POU2F1: variants seen among roughly 807,000 people sequenced by gnomAD.
The protein encoded by POU2F1 is POU class 2 homeobox 1.
POU2F1 carries 16 observed loss-of-function variants against 84.9 expected under a neutral mutation model. That is an observed-to-expected ratio of 0.19 (90% CI 0.13 to 0.29). The LOEUF (loss-of-function observed/expected upper bound fraction) is 0.29. Ranked by LOEUF, POU2F1 falls within the 10% of genes least tolerant of loss-of-function variation. POU2F1 has a pLI of 1.00. For synonymous variants in POU2F1, 368 were observed against 368.3 expected (o/e 1.00, Z 0.01); for missense variants, 738 against 942.6 (o/e 0.78, Z 2.84).
intron 1 of POU2F1, among the ~76,000 whole-genome samples, chr1:167,305,847 C>A (rs540182457): frequency 2.0e-5 from 3 of 152,280 alleles, no homozygotes; most frequent in Middle Eastern, 3.4e-3. Context: ...TACCACTCAT[C>A]CTCTGAGTAG....
chr1:167,334,176 T>TGTG (rs1657269079), intron 2 of POU2F1, among the ~76,000 whole-genome samples: 1 of 79,882 alleles, frequency 1.3e-5, no homozygotes, highest in Admixed American at 1.3e-4. Flanking sequence ...TTTTTTTTTT[T>TGTG]TGAGATGGAA....
chr1:167,250,543 A>G (rs946312778), intron 1 of POU2F1, among the ~76,000 whole-genome samples: 1 of 152,206 alleles, frequency 6.6e-6, no homozygotes, highest in Non-Finnish European at 1.5e-5. Flanking sequence ...GAGAGAATTC[A>G]TTTGTTGTTG....
At chr1:167,347,402 G>A (rs962355819) in intron 2 of POU2F1, among the ~76,000 whole-genome samples, 3 of 152,138 alleles carry the variant, frequency 2.0e-5, no homozygotes, top group Non-Finnish European at 4.4e-5. Flanking sequence ...TAACAGGGGT[G>A]CATTTCATAA....
In POU2F1 at chr1:167,376,010, T is replaced by C; in HGVS notation, c.592-19T>C. 5.0e-6 allele frequency: 8 copies of C among 1,613,830 alleles called. No individual in the cohort carries two copies. In the South Asian group the frequency reaches 8.8e-5, roughly 18 times the overall value. On this transcript the variant is annotated intron_variant, in intron 6 of 15. Coordinates refer to ENST00000367866, the MANE Select transcript of POU2F1 (RefSeq NM_002697.4). ...TTATTTCAGAATCTCCAATCCATGT[T>C]TTAATTCCAATTTTTCAGGATCTTC...
At chr1:167,294,172 CAA>C (rs60846607) in intron 1 of POU2F1, among the ~76,000 whole-genome samples, 114 of 30,942 alleles carry the variant, frequency 3.7e-3, no homozygotes, top group African/African-American at 7.7e-3. Context: ...TACTAAAATA[CAA>C]AAAAAAAAAA....
At chr1:167,389,246 T>G (rs945297424) in intron 8 of POU2F1, among the ~76,000 whole-genome samples, 5 of 152,208 alleles carry the variant, frequency 3.3e-5, no homozygotes, top group African/African-American at 1.2e-4. Context: ...GCTAGACTTA[T>G]GAAATAGATT....
At chr1:167,333,931 A>G (rs1444046230) in intron 2 of POU2F1, among the ~76,000 whole-genome samples, 1 of 152,104 alleles carries the variant, frequency 6.6e-6, no homozygotes, top group Non-Finnish European at 1.5e-5. Context: ...TGATCCCCTT[A>G]AGAGACTAGA....
At chr1:167,369,640 T>C (rs1345327983) in intron 3 of POU2F1, among the ~76,000 whole-genome samples, 1 of 152,204 alleles carries the variant, frequency 6.6e-6, no homozygotes. Flanking sequence ...CTATTTCAGC[T>C]AAGAGTTTTA....
chr1:167,255,056 A>G (rs1651029603), intron 1 of POU2F1, among the ~76,000 whole-genome samples: 1 of 152,154 alleles, frequency 6.6e-6, no homozygotes, highest in Non-Finnish European at 1.5e-5. Flanking sequence ...CTTGTTTGGT[A>G]TATTTGGTGT....
intron 6 of POU2F1, among the ~76,000 whole-genome samples, chr1:167,375,746 CAG>C (rs1015804137): frequency 5.9e-5 from 9 of 152,088 alleles, no homozygotes; most frequent in African/African-American, 2.2e-4. Context: ...TGATAAAAAA[CAG>C]AAGTATATTT....
At chr1:167,273,861 G>A (rs1652543398) in intron 1 of POU2F1, among the ~76,000 whole-genome samples, 1 of 152,210 alleles carries the variant, frequency 6.6e-6, no homozygotes, top group African/African-American at 2.4e-5. Context: ...CAAAATGTAA[G>A]AGTGAAAGAA....
chr1:167,284,418 T>A (rs1462990881), intron 1 of POU2F1, among the ~76,000 whole-genome samples: 1 of 152,232 alleles, frequency 6.6e-6, no homozygotes, highest in Non-Finnish European at 1.5e-5. Flanking sequence ...GAGCTTACCA[T>A]CTTCAGTTAC....
intron 1 of POU2F1, among the ~76,000 whole-genome samples, chr1:167,239,055 T>C (rs913022141): frequency 1.3e-5 from 2 of 152,210 alleles, no homozygotes; most frequent in African/African-American, 4.8e-5. Flanking sequence ...TTGTGTATGG[T>C]GTAAGGTGTA....
intron 1 of POU2F1, among the ~76,000 whole-genome samples, chr1:167,291,163 T>C (rs1189837581): frequency 1.3e-5 from 2 of 152,192 alleles, no homozygotes; most frequent in African/African-American, 4.8e-5. Flanking sequence ...TGGATCTGAA[T>C]TTCAGCTTTG....
At chr1:167,236,928 T>A (rs892992731) in intron 1 of POU2F1, among the ~76,000 whole-genome samples, 3 of 152,138 alleles carry the variant, frequency 2.0e-5, no homozygotes, top group African/African-American at 7.2e-5. Context: ...GGAAAGATAA[T>A]AGAGTTTTAG....
intron 9 of POU2F1, 130 bp from the exon 10 acceptor site, chr1:167,396,156 G>GT: frequency 9.2e-7 from 1 of 1,081,410 alleles, no homozygotes; most frequent in East Asian, 2.4e-5. Flanking sequence ...GTGGGACCCC[G>GT]TAAGTGGAAT....
intron 1 of POU2F1, among the ~76,000 whole-genome samples, chr1:167,318,145 G>A (rs1417842771): frequency 6.6e-6 from 1 of 152,190 alleles, no homozygotes; most frequent in East Asian, 1.9e-4. Context: ...AGACAAGTTT[G>A]TAGAGTGTCC....
At position 167,395,296 on chromosome 1, in the gene POU2F1, T is replaced by C. The variant is rs537604594; in HGVS notation, c.988-990T>C. Among the ~76,000 whole-genome samples, 18 of 152,362 alleles carry C rather than the reference T, an allele frequency of 1.2e-4. No individual in the cohort carries two copies. In the South Asian group the frequency reaches 3.7e-3, roughly 32 times the overall value. ...AAGGTTACTAAGTTTCCATTGCCCA[T>C]GAAGGTTTGACTAAATGGGTCAAAC... On this transcript the variant is annotated intron_variant, in intron 9 of 15. Coordinates refer to ENST00000367866, the MANE Select transcript of POU2F1 (RefSeq NM_002697.4).
At chr1:167,230,421 C>A (rs1648983910) in intron 1 of POU2F1, among the ~76,000 whole-genome samples, 1 of 151,762 alleles carries the variant, frequency 6.6e-6, no homozygotes, top group South Asian at 2.1e-4. Context: ...CTTTTAAAAG[C>A]CTTTGGTGTT....
Sources: gnomAD v4.1 joint callset for allele counts (sites outside exome capture counted in the v4.1 genomes callset) on GRCh38, gnomAD v4.1.1 for gene constraint, MANE v1.5 for transcripts, NCBI Gene and HGNC (gene_info 2026-07-23, HGNC 2026-07-21) for gene names.